FSHR: variants seen among roughly 807,000 people sequenced by gnomAD.
FSHR encodes the protein follicle-stimulating hormone receptor.
A neutral mutation model predicts 52.1 loss-of-function variants in FSHR; 46 were observed. The ratio of observed to expected loss-of-function variants is 0.88; its 90% CI spans 0.70 to 1.13. The LOEUF is 1.13. FSHR is among the 50% of genes most tolerant of loss of function. The pLI, the probability that FSHR is intolerant of heterozygous loss-of-function variation, is 0.00. For synonymous variants in FSHR, 399 were observed against 309.6 expected (o/e 1.29, Z -3.03); for missense variants, 964 against 834.6 (o/e 1.16, Z -1.91).
At position 49,017,471 on chromosome 2, in the gene FSHR, A is replaced by G. The variant is rs1320943506; in HGVS notation, c.374+18T>C. 1 of 1,592,366 alleles carries G rather than the reference A, an allele frequency of 6.3e-7. No individual in the cohort carries two copies. Among genetic ancestry groups the G allele is most frequent in the Non-Finnish European group, 8.6e-7 (1 of 1,160,598 alleles). On this transcript the variant is annotated intron_variant, in intron 4 of 9. Transcript: ENST00000406846. Reference sequence around the variant, plus strand: ...CTATTTAATCATAGTGGGGGTACCAAACTACATGAGTTCTTACAGATATTG... The same window carrying G: ...CTATTTAATCATAGTGGGGGTACCAGACTACATGAGTTCTTACAGATATTG...
Position 49,069,436 on chromosome 2 carries a change from G to C in FSHR, c.153-1146C>G, listed in dbSNP as rs188141943. 2.5e-3 allele frequency among the ~76,000 whole-genome samples: 378 copies of C among 152,020 alleles called. 3 individuals carry two copies. The highest frequency in any genetic ancestry group is 8.5e-3 in the African/African-American group (353 of 41,484). The stretch of plus-strand genomic sequence containing the variant: ...TTAAAATGATAATCTCCCAAACTTG[G>C]CCCAGACCCTCTTTCCTGCTGCTTT... On this transcript the variant is annotated intron_variant, in intron 1 of 9. Coordinates refer to ENST00000406846, the MANE Select transcript of FSHR (RefSeq NM_000145.4).
intron 1 of FSHR, among the ~76,000 whole-genome samples, chr2:49,151,133 G>A (rs1331283136): frequency 2.1e-5 from 3 of 146,108 alleles, no homozygotes; most frequent in Non-Finnish European, 4.5e-5. Flanking sequence ...AAAATGTAAA[G>A]GATTACTCTT....
Position 48,988,574 on chromosome 2 carries a change from C to T in FSHR, c.524+403G>A, listed in dbSNP as rs1305195126. On this transcript the variant is annotated intron_variant, in intron 6 of 9. Transcript: ENST00000406846. Reference sequence around the variant, plus strand: ...ATCCTATGCTCAGCATGGGCCTGAACAGGAACTGCTTGGCATGGTTATGAG... The same window carrying T: ...ATCCTATGCTCAGCATGGGCCTGAATAGGAACTGCTTGGCATGGTTATGAG... 5.9e-5 allele frequency among the ~76,000 whole-genome samples: 9 copies of T among 152,332 alleles called. No individual in the cohort carries two copies. The East Asian group carries it at 1.7e-3, about 29-fold the overall frequency.
At chr2:49,141,854 G>A (rs535959438) in intron 1 of FSHR, among the ~76,000 whole-genome samples, 2 of 152,228 alleles carry the variant, frequency 1.3e-5, no homozygotes, top group South Asian at 2.1e-4. Context: ...CAAAGAATGG[G>A]CATGTTAAAA....
In FSHR at chr2:48,977,632, G is replaced by A. The variant is rs548048445; in HGVS notation, c.668+5280C>T. Among the ~76,000 whole-genome samples, 24 of 152,284 alleles carry A rather than the reference G, an allele frequency of 1.6e-4. No individual in the cohort carries two copies. In the South Asian group the frequency reaches 4.8e-3, roughly 30 times the overall value. On this transcript the variant is annotated intron_variant, in intron 8 of 9. Coordinates refer to ENST00000406846, the MANE Select transcript of FSHR (RefSeq NM_000145.4). ...CTGCTGTATATTACTATAGCCATTT[G>A]TGAAAATTTCTGCAGTGCTCATTGT... is the stretch of plus-strand genomic sequence containing the variant.
At chr2:49,102,822 C>T (rs1363632777) in intron 1 of FSHR, among the ~76,000 whole-genome samples, 1 of 145,706 alleles carries the variant, frequency 6.9e-6, no homozygotes, top group Non-Finnish European at 1.5e-5. Context: ...CTACCAAAAT[C>T]TCCATGATTT....
chr2:49,023,115 A>AAG (rs1375612684), intron 2 of FSHR, among the ~76,000 whole-genome samples: 2 of 152,330 alleles, frequency 1.3e-5, no homozygotes, highest in African/African-American at 4.8e-5. Flanking sequence ...CAGGAGAATG[A>AAG]AGTAGTTGGT....
intron 6 of FSHR, 54 bp downstream of exon 6, chr2:48,988,923 T>C: frequency 7.0e-7 from 1 of 1,437,974 alleles, no homozygotes; most frequent in Non-Finnish European, 9.8e-7. Context: ...GAGAAAGAGA[T>C]CACTAAATGA....
intron 8 of FSHR, among the ~76,000 whole-genome samples, chr2:48,978,482 T>A (rs777767427): frequency 1.3e-5 from 2 of 152,256 alleles, no homozygotes; most frequent in Non-Finnish European, 2.9e-5. Context: ...AACTATCAAA[T>A]GAATCTGAGC....
intron 1 of FSHR, among the ~76,000 whole-genome samples, chr2:49,113,810 C>T (rs1361177543): frequency 6.6e-6 from 1 of 152,140 alleles, no homozygotes; most frequent in Admixed American, 6.6e-5. Flanking sequence ...TAGATCCCCA[C>T]AGATGCCAGA....
At chr2:49,105,585 G>A (rs1271205515) in intron 1 of FSHR, among the ~76,000 whole-genome samples, 1 of 152,144 alleles carries the variant, frequency 6.6e-6, no homozygotes, top group Non-Finnish European at 1.5e-5. Context: ...TGCTTTCTCA[G>A]AAAGATCAGG....
At chr2:49,124,315 T>C (rs1005486095) in intron 1 of FSHR, among the ~76,000 whole-genome samples, 7 of 151,988 alleles carry the variant, frequency 4.6e-5, no homozygotes, top group Admixed American at 1.3e-4. Context: ...TAAGTGTAAG[T>C]TTTTAGTGTA....
At chr2:49,062,082 C>T (rs1365723795) in intron 2 of FSHR, among the ~76,000 whole-genome samples, 2 of 151,732 alleles carry the variant, frequency 1.3e-5, no homozygotes, top group African/African-American at 4.8e-5. Flanking sequence ...ATTTACAGAA[C>T]GTTTCATCCA....
At position 49,154,341 on chromosome 2, in the gene FSHR, G is replaced by A. The variant is rs1336784074; in HGVS notation, c.77C>T (p.Ser26Phe). ...CTCTTGGCAGAGAAAAACCCTGTTA[G>A]AGCAGTGACAGATCCGATGATGACA... ...SGCHHRICHC[S>F]NRVFLCQESK... The change falls in exon 1 of 10, where the codon TCT becomes TTT. Residue 26 changes from serine (S) to phenylalanine (F), a missense_variant. Physicochemically the swap from Ser to Phe is radical, Grantham distance 155. Transcript: ENST00000406846. 6.2e-7 allele frequency: 1 copy of A among 1,613,854 alleles called. No homozygotes were observed. The highest frequency in any genetic ancestry group is 8.5e-7 in the Non-Finnish European group (1 of 1,179,900).
intron 1 of FSHR, among the ~76,000 whole-genome samples, chr2:49,073,116 G>C (rs1669808273): frequency 6.6e-6 from 1 of 151,906 alleles, no homozygotes; most frequent in Non-Finnish European, 1.5e-5. Context: ...ACATCTTATG[G>C]ATGCTTTCAC....
At chr2:49,118,688 A>T (rs1039265155) in intron 1 of FSHR, among the ~76,000 whole-genome samples, 13 of 152,176 alleles carry the variant, frequency 8.5e-5, no homozygotes, top group African/African-American at 3.1e-4. Flanking sequence ...CTTAGGTTTC[A>T]CCTAGGACCT....
intron 1 of FSHR, among the ~76,000 whole-genome samples, chr2:49,087,466 A>G (rs886895698): frequency 2.6e-5 from 4 of 152,182 alleles, no homozygotes. Flanking sequence ...CATATGTCTG[A>G]CACTGCGCTA....
At chr2:49,119,387 T>A (rs1671719096) in intron 1 of FSHR, among the ~76,000 whole-genome samples, 1 of 149,700 alleles carries the variant, frequency 6.7e-6, no homozygotes, top group South Asian at 2.1e-4. Context: ...TTTGTTTTTT[T>A]TTTGTTTTTG....
intron 2 of FSHR, among the ~76,000 whole-genome samples, chr2:49,055,666 C>T (rs1038105260): frequency 6.6e-6 from 1 of 151,206 alleles, no homozygotes; most frequent in African/African-American, 2.4e-5. Context: ...AAGAGAAAAG[C>T]CTCAAGTCAC....
Sources: allele counts gnomAD v4.1 joint callset (sites outside exome capture counted in the v4.1 genomes callset), GRCh38; gene constraint gnomAD v4.1.1; transcripts MANE v1.5; gene names NCBI Gene and HGNC (gene_info 2026-07-23, HGNC 2026-07-21).